Variants in FHL2 observed in about 807,000 individuals in gnomAD.
FHL2 encodes four and a half LIM domains protein 2.
In FHL2, 20 loss-of-function variants were observed where a neutral mutation model predicts 32.7. That is an observed-to-expected ratio of 0.61 (90% CI 0.43 to 0.89). FHL2 has a LOEUF of 0.89. Ranked by LOEUF, FHL2 falls within the 40% of genes least tolerant of loss-of-function variation. FHL2 has a pLI of 0.00. For missense variants in FHL2, 311 were observed against 358.6 expected (o/e 0.87, Z 1.07); for synonymous variants, 123 against 128.1 (o/e 0.96, Z 0.27).
chr2:105,387,181 G>A (rs188577004), intron 2 of FHL2, among the ~76,000 whole-genome samples: 67 of 152,246 alleles, frequency 4.4e-4, no homozygotes, highest in African/African-American at 1.5e-3. Context: ...GCTGTGACCC[G>A]GCCTTGCATC....
intron 1 of FHL2, among the ~76,000 whole-genome samples, chr2:105,405,841 C>T (rs1683614331): frequency 6.6e-6 from 1 of 152,238 alleles, no homozygotes; most frequent in East Asian, 1.9e-4. Flanking sequence ...ACAGGTAACA[C>T]CCTTCACCTT....
intron 1 of FHL2, among the ~76,000 whole-genome samples, chr2:105,398,334 C>T (rs1683283620): frequency 6.6e-6 from 1 of 152,180 alleles, no homozygotes; most frequent in South Asian, 2.1e-4. Context: ...TTGTTTTAAC[C>T]GAATGGTTCA....
chr2:105,382,352 A>G (rs781283944), intron 3 of FHL2, among the ~76,000 whole-genome samples: 1 of 152,222 alleles, frequency 6.6e-6, no homozygotes, highest in African/African-American at 2.4e-5. Flanking sequence ...CGAGAGTCAC[A>G]TAGACAGGGT....
chr2:105,411,325 T>G (rs936315377), intron 1 of FHL2, among the ~76,000 whole-genome samples: 1 of 152,180 alleles, frequency 6.6e-6, no homozygotes, highest in African/African-American at 2.4e-5. Context: ...AAATTGTAAC[T>G]TTAGAAAGAA....
rs1373862633 is a variant in FHL2 at position 105,360,988 on chromosome 2, GAA to G, written c.*293_*294del. 3.9e-6 allele frequency: 1 copy of G among 259,512 alleles called. No individual in the cohort carries two copies. The highest frequency in any genetic ancestry group is 7.3e-6 in the Non-Finnish European group (1 of 136,618). 16.1% of individuals were successfully genotyped at this position (259,512 alleles called of 1,614,324 possible). A position where few individuals can be genotyped will look rare whatever the true frequency, so the allele number is the denominator to read the frequency against. On this transcript the variant is annotated 3_prime_UTR_variant, in exon 7 of 7. Transcript: ENST00000530340. Reference sequence around the variant, plus strand: ...AATTGCACTTAAATAGACAGTGAGAGAAAGATTTATAAAGGCATCATTCAAAA... The same window carrying G: ...AATTGCACTTAAATAGACAGTGAGAGAGATTTATAAAGGCATCATTCAAAA...
intron 1 of FHL2, among the ~76,000 whole-genome samples, chr2:105,420,162 A>T (rs183237458): frequency 1.4e-3 from 217 of 152,344 alleles, no homozygotes; most frequent in African/African-American, 4.8e-3. Flanking sequence ...CTGGAAGTCC[A>T]AGATCAAGGT....
intron 3 of FHL2, chr2:105,376,521 A>G (rs1300725566): frequency 6.6e-6 from 1 of 152,238 alleles, no homozygotes; most frequent in African/African-American, 2.4e-5. Flanking sequence ...TAATTTAAGA[A>G]GAGATGGAGA....
intron 1 of FHL2, among the ~76,000 whole-genome samples, chr2:105,411,415 T>C (rs910124752): frequency 6.6e-6 from 1 of 152,186 alleles, no homozygotes; most frequent in Admixed American, 6.5e-5. Flanking sequence ...TTCTCATTCT[T>C]TTTCAAGCAC....
At chr2:105,390,479 G>C (rs1682644883) in intron 2 of FHL2, among the ~76,000 whole-genome samples, 1 of 152,194 alleles carries the variant, frequency 6.6e-6, no homozygotes. Flanking sequence ...AATTCTTTCT[G>C]AGAGTGGTGG....
Position 105,367,567 on chromosome 2 carries a change from T to C in FHL2, c.501+3A>G, listed in dbSNP as rs760810866. ...GCAAGGGCCAAGGGGGCATCTGAGA[T>C]ACCTTTTTGCACTGAACGCACTGCA... On this transcript the variant is annotated splice_donor_region_variant and intron_variant, in intron 5 of 6. Coordinates refer to ENST00000530340, the MANE Select transcript of FHL2 (RefSeq NM_001318895.3). 1 of 1,609,936 alleles carries C rather than the reference T, an allele frequency of 6.2e-7. No homozygotes were observed. The highest frequency in any genetic ancestry group is 1.7e-5 in the Admixed American group (1 of 59,808).
At chr2:105,417,684 C>CAAAAAAAAAAAAAAAAAA (rs11353319) in intron 1 of FHL2, among the ~76,000 whole-genome samples, 1 of 89,394 alleles carries the variant, frequency 1.1e-5, no homozygotes, top group Non-Finnish European at 2.2e-5. Flanking sequence ...ACTCCATCTC[C>CAAAAAAAAAAAAAAAAAA]AAAAAAAAAA....
upstream of FHL2, among the ~76,000 whole-genome samples, chr2:105,400,609 G>A (rs544984928): frequency 2.0e-5 from 3 of 151,154 alleles, no homozygotes; most frequent in Non-Finnish European, 4.4e-5. Flanking sequence ...GCTTCAGTTT[G>A]TAAAAACAAG....
Position 105,363,409 on chromosome 2 carries a change from G to A in FHL2, c.564C>T (p.Cys188=). ...CAGACAGCTGCTTCCTGCAGGCGGTGCACACGAAGCACTCCTTGTGCCAGG... is the reference window on the plus strand; with the variant it reads ...CAGACAGCTGCTTCCTGCAGGCGGTACACACGAAGCACTCCTTGTGCCAGG... ...EQPWHKECFV[C]TACRKQLSGQ... Residue 188 remains cysteine, a synonymous_variant, in exon 6 of 7, where the codon TGC becomes TGT. Transcript: ENST00000530340. 6.2e-7 allele frequency: 1 copy of A among 1,613,344 alleles called. No homozygotes were observed. The highest frequency in any genetic ancestry group is 8.5e-7 in the Non-Finnish European group (1 of 1,179,728).
At chr2:105,366,078 G>A (rs767534459) in intron 5 of FHL2, among the ~76,000 whole-genome samples, 18 of 151,390 alleles carry the variant, frequency 1.2e-4, no homozygotes, top group African/African-American at 1.7e-4. Flanking sequence ...GCATGGTGAC[G>A]CACGCCTGTA....
intron 6 of FHL2, among the ~76,000 whole-genome samples, chr2:105,362,226 A>G (rs1680322219): frequency 6.6e-6 from 1 of 152,236 alleles, no homozygotes; most frequent in Non-Finnish European, 1.5e-5. Flanking sequence ...AAAAGATTCC[A>G]AGGGAAATCT....
intron 1 of FHL2, 63 bp downstream of exon 1, chr2:105,398,779 C>G: frequency 7.6e-7 from 1 of 1,310,962 alleles, no homozygotes. Flanking sequence ...GGCTTCTCCC[C>G]GCACGGTTCG....
rs548115035 is a variant in FHL2 at position 105,417,255 on chromosome 2, G to A, written c.-25+21144C>T. Among the ~76,000 whole-genome samples, 17 of 152,194 alleles carry A rather than the reference G, an allele frequency of 1.1e-4. No individual in the cohort carries two copies. In the South Asian group the frequency reaches 2.9e-3, roughly 26 times the overall value. On this transcript the variant is annotated intron_variant, in intron 1 of 5. Coordinates refer to the FHL2 transcript ENST00000393352. ...AAATTAGCTGGGCATGGTGGCACGT[G>A]CCTGTAATCCCAGCTACTCGGGAGG...
intron 4 of FHL2, 134 bp downstream of exon 4, chr2:105,373,425 T>C: frequency 3.5e-6 from 3 of 861,004 alleles, no homozygotes; most frequent in Non-Finnish European, 5.7e-6. Context: ...TAAATACTCC[T>C]CTGCAGTTCA....
At chr2:105,417,101 C>T (rs13007321) in intron 1 of FHL2, among the ~76,000 whole-genome samples, 4,929 of 152,158 alleles carry the variant, frequency 0.032, 151 homozygotes, top group East Asian at 0.091. Flanking sequence ...ATGTGTGTTG[C>T]GGCCGGGCGC....
Sources: allele counts gnomAD v4.1 joint callset (sites outside exome capture counted in the v4.1 genomes callset), GRCh38; gene constraint gnomAD v4.1.1; transcripts MANE v1.5; gene names NCBI Gene and HGNC (gene_info 2026-07-23, HGNC 2026-07-21).